FAM110B: variants seen among roughly 807,000 people sequenced by gnomAD.
FAM110B encodes the protein family with sequence similarity 110 member B, also known as protein FAM110B.
Under a neutral mutation model 20.4 loss-of-function variants are expected in FAM110B, and 6 were observed. The observed-to-expected ratio is 0.29, with a 90% CI of 0.16 to 0.58. FAM110B has a LOEUF of 0.58. FAM110B is among the 20% of genes least tolerant of loss of function. The pLI is 0.90. For missense variants in FAM110B, 434 were observed against 498.2 expected, an observed-to-expected ratio of 0.87 and a Z score of 1.23; for synonymous variants, 226 against 214.1, an observed-to-expected ratio of 1.06 and a Z score of -0.49.
intron 2 of FAM110B, among the ~76,000 whole-genome samples, chr8:58,035,776 A>G (rs1805064915): frequency 6.6e-6 from 1 of 152,214 alleles, no homozygotes; most frequent in South Asian, 2.1e-4. Flanking sequence ...TAACATGTGC[A>G]TTTGAGTGCA....
chr8:58,082,837 GTTTTT>G (rs1270825336), intron 3 of FAM110B, among the ~76,000 whole-genome samples: 1 of 123,096 alleles, frequency 8.1e-6, no homozygotes, highest in Non-Finnish European at 1.5e-5. Context: ...CTCCATTTTT[GTTTTT>G]TTTTGTTTTT....
At chr8:58,077,422 C>T (rs1045880674) in intron 3 of FAM110B, among the ~76,000 whole-genome samples, 4 of 152,150 alleles carry the variant, frequency 2.6e-5, no homozygotes, top group Non-Finnish European at 2.9e-5. Flanking sequence ...TATGTGGCTG[C>T]GTGATGATCT....
chr8:58,141,854 T>G (rs983861889), intron 3 of FAM110B, among the ~76,000 whole-genome samples: 2 of 152,252 alleles, frequency 1.3e-5, no homozygotes, highest in African/African-American at 4.8e-5. Context: ...TCTCCCATTA[T>G]CTGCCTGGCC....
intron 1 of FAM110B, among the ~76,000 whole-genome samples, chr8:58,001,499 G>A (rs1804295191): frequency 6.6e-6 from 1 of 152,116 alleles, no homozygotes; most frequent in African/African-American, 2.4e-5. Flanking sequence ...CATGTGGCCT[G>A]ATTTGCTTGT....
chr8:58,120,856 G>A (rs1451140858), intron 3 of FAM110B, among the ~76,000 whole-genome samples: 8 of 152,196 alleles, frequency 5.3e-5, no homozygotes, highest in Non-Finnish European at 2.9e-5. Context: ...CAGGGTTGGG[G>A]CTGGCATCAG....
rs139357333 is a variant in FAM110B, at chr8:58,121,076, C to T, written c.-324-24831C>T. ...GCTCAGTTCCAGTGCAGGAGACAGA[C>T]AATAAATGTAGATTTTAGTCAGTGG... On this transcript the variant is annotated intron_variant, in intron 3 of 3. Transcript: ENST00000519262. Among the ~76,000 whole-genome samples the T allele has an allele frequency of 2.6e-5, 4 of 152,248 alleles. No homozygotes were observed. In the East Asian group the frequency reaches 7.7e-4, roughly 29 times the overall value.
At chr8:58,081,263 G>A (rs1179297453) in intron 3 of FAM110B, among the ~76,000 whole-genome samples, 1 of 152,146 alleles carries the variant, frequency 6.6e-6, no homozygotes, top group Admixed American at 6.5e-5. Context: ...CTGGAGTGCA[G>A]TGGCACAACC....
chr8:58,127,996 T>A (rs1452173572), intron 3 of FAM110B, among the ~76,000 whole-genome samples: 3 of 152,238 alleles, frequency 2.0e-5, no homozygotes, highest in Non-Finnish European at 2.9e-5. Context: ...TTGGATGGAT[T>A]GACCAGGGAA....
At chr8:58,051,697 G>A (rs375929311) in intron 2 of FAM110B, among the ~76,000 whole-genome samples, 6 of 152,306 alleles carry the variant, frequency 3.9e-5, no homozygotes, top group African/African-American at 1.4e-4. Context: ...TATGGAGGAA[G>A]ATAAAGCAGG....
intron 1 of FAM110B, among the ~76,000 whole-genome samples, chr8:58,001,293 G>A (rs531403792): frequency 6.6e-6 from 1 of 152,106 alleles, no homozygotes; most frequent in Non-Finnish European, 1.5e-5. Context: ...TGGTCTGCCT[G>A]TATTATTTGG....
At position 58,146,888 on chromosome 8, in the gene FAM110B, T is replaced by C; in HGVS notation, c.658T>C (p.Ser220Pro). Residue 220 changes from serine (S) to proline (P), a missense_variant, in exon 4 of 4, where the codon TCT (serine) becomes CCT (proline). This residue lies in a region of FAM110B where 284 missense variants were observed against 278.3 expected (regional missense o/e 1.02). Transcript: ENST00000519262. ...CCTCAAGGCCATCCCCTGCAGTAGC[T>C]CTGCCCCTCCCCTGCCTCCCAAGCC... ...KPLKAIPCSS[S>P]APPLPPKPKI... The C allele has an allele frequency of 6.2e-7, 1 of 1,614,076 alleles. No homozygotes were observed. The highest frequency in any genetic ancestry group is 8.5e-7 in the Non-Finnish European group (1 of 1,180,010).
Position 58,146,333 on chromosome 8 carries a change from G to A in FAM110B, c.103G>A (p.Asp35Asn). Residue 35 changes from aspartate to asparagine, a missense_variant, in exon 4 of 4, where the codon GAC becomes AAC. Physicochemically the swap from Asp to Asn is conservative, Grantham distance 23 (BLOSUM62 1). This residue lies in a region of FAM110B where 56 missense variants were observed against 82.1 expected (regional missense o/e 0.68). Transcript: ENST00000519262. Reference sequence around the variant, plus strand: ...CCTGCGCATCCTGAACAAGGGGCCAGACTACTTCCGCAGGCAGGCCGAGCC... The same window carrying A: ...CCTGCGCATCCTGAACAAGGGGCCAAACTACTTCCGCAGGCAGGCCGAGCC... Reference protein sequence around the residue: ...VPLRILNKGPDYFRRQAEPNP... With the variant: ...VPLRILNKGPNYFRRQAEPNP... 6.2e-7 allele frequency: 1 copy of A among 1,614,072 alleles called. No homozygotes were observed. Among genetic ancestry groups the A allele is most frequent in the Non-Finnish European group, 8.5e-7 (1 of 1,180,004 alleles).
chr8:58,141,833 A>G (rs1404119257), intron 3 of FAM110B, among the ~76,000 whole-genome samples: 1 of 152,170 alleles, frequency 6.6e-6, no homozygotes, highest in Non-Finnish European at 1.5e-5. Context: ...TCCTTTCCGA[A>G]GGCCACACAC....
chr8:58,094,339 G>A (rs971604232), intron 3 of FAM110B, among the ~76,000 whole-genome samples: 1 of 152,148 alleles, frequency 6.6e-6, no homozygotes, highest in Non-Finnish European at 1.5e-5. Context: ...TTTTCAAAGG[G>A]AATGCTTCCA....
At chr8:58,016,412 A>G (rs1342837260) in intron 1 of FAM110B, among the ~76,000 whole-genome samples, 1 of 152,210 alleles carries the variant, frequency 6.6e-6, no homozygotes, top group African/African-American at 2.4e-5. Flanking sequence ...TTGCAGTCAT[A>G]TTGAGGCTGC....
intron 3 of FAM110B, among the ~76,000 whole-genome samples, chr8:58,095,670 G>A (rs1172422136): frequency 1.3e-5 from 2 of 152,206 alleles, no homozygotes; most frequent in Middle Eastern, 3.4e-3. Context: ...TATGTGGTCA[G>A]TTTTACAGTA....
In FAM110B at chr8:58,015,356, C is replaced by CA. The variant is rs200885311; in HGVS notation, c.-511-16240dup. ...TGGACGACAGAGCAAAACTCTGTCT[C>CA]AAAAAAAAAAGACATTAAATTTACA... On this transcript the variant is annotated intron_variant, in intron 1 of 3. Coordinates refer to ENST00000519262, the MANE Select transcript of FAM110B (RefSeq NM_001377989.1). 5.4e-3 allele frequency among the ~76,000 whole-genome samples: 742 copies of CA among 136,308 alleles called. 11 individuals are homozygous for CA. The highest frequency in any genetic ancestry group is 0.019 in the African/African-American group (692 of 36,896). The allele number at this position is 136,308 out of a possible 152,430, so 89.4% of individuals were successfully genotyped here.
chr8:58,101,466 G>T lies in FAM110B; in HGVS notation c.-325+25843G>T, dbSNP rs576039390. ...AATCGTTTTTAAACTTATGCCAGCA[G>T]TTGTTAATTCCCAGATGGCAGGTGA... On this transcript the variant is annotated intron_variant, in intron 3 of 3. Coordinates refer to ENST00000519262, the MANE Select transcript of FAM110B (RefSeq NM_001377989.1). Among the ~76,000 whole-genome samples the T allele has an allele frequency of 2.0e-5, 3 of 152,292 alleles. No individual in the cohort carries two copies. In the East Asian group the frequency reaches 5.8e-4, roughly 29 times the overall value.
chr8:58,136,330 T>C (rs1435282663), intron 3 of FAM110B, among the ~76,000 whole-genome samples: 1 of 152,102 alleles, frequency 6.6e-6, no homozygotes, highest in Non-Finnish European at 1.5e-5. Context: ...TTATAAACTC[T>C]GTGACTGGAG....
Sources: allele counts gnomAD v4.1 joint callset (sites outside exome capture counted in the v4.1 genomes callset), GRCh38; gene constraint gnomAD v4.1.1; regional missense constraint gnomAD v4.1.1; transcripts MANE v1.5; gene names NCBI Gene and HGNC (gene_info 2026-07-23, HGNC 2026-07-21).